Variants in CCNJ observed in about 807,000 individuals in gnomAD.
The protein encoded by CCNJ is cyclin-J.
CCNJ carries 12 observed loss-of-function variants against 41.4 expected under a neutral mutation model. The observed-to-expected ratio is 0.29, with a 90% CI of 0.19 to 0.47. The LOEUF (loss-of-function observed/expected upper bound fraction) is 0.47. Among genes scored for constraint, CCNJ ranks in the 20% least tolerant of loss-of-function variants. CCNJ has a pLI of 1.00. For missense variants in CCNJ, 340 were observed against 464.6 expected (o/e 0.73, Z 2.47); for synonymous variants, 161 against 173.4 (o/e 0.93, Z 0.56).
At chr10:96,057,613 G>A (rs2080728511) in intron 5 of CCNJ, among the ~76,000 whole-genome samples, 1 of 152,066 alleles carries the variant, frequency 6.6e-6, no homozygotes, top group Non-Finnish European at 1.5e-5. Flanking sequence ...TCCCAAACTG[G>A]AAATAATCCT....
At chr10:96,053,511 C>G (rs888987829) in intron 3 of CCNJ, among the ~76,000 whole-genome samples, 1 of 152,130 alleles carries the variant, frequency 6.6e-6, no homozygotes, top group Non-Finnish European at 1.5e-5. Context: ...CTAATTTGTC[C>G]AGGGAAGTTC....
chr10:96,044,409 C>T lies in CCNJ; in HGVS notation c.16C>T (p.Gln6Ter). The part of the protein sequence containing the change: MELEG[Q>*]WWRGQLAADI... ...GCCGGGTCCCATGGAGCTGGAGGGG[C>T]AGTGGTGGCGAGGACAGCTGGCCGC... Residue 6 changes from glutamine to a stop codon, truncating the protein, a stop_gained, in exon 2 of 6, where the codon CAG becomes TAG. Coordinates refer to ENST00000465148, the MANE Select transcript of CCNJ (RefSeq NM_001134375.2). LOFTEE classifies it high-confidence loss of function. 6.4e-7 allele frequency: 1 copy of T among 1,563,526 alleles called. No homozygotes were observed. The highest frequency in any genetic ancestry group is 8.7e-7 in the Non-Finnish European group (1 of 1,150,458).
At chr10:96,050,105 CACTTA>C in intron 2 of CCNJ, 146 bp from the exon 3 acceptor site, 1 of 635,736 alleles carries the variant, frequency 1.6e-6, no homozygotes, top group Non-Finnish European at 2.8e-6. Context: ...ATTATCCCTC[CACTTA>C]ACTTTTTCAT....
Position 96,055,838 on chromosome 10 carries a change from CAGA to C in CCNJ, c.281-857_281-855del, listed in dbSNP as rs1033008847. Among the ~76,000 whole-genome samples the C allele has an allele frequency of 2.1e-4, 32 of 152,194 alleles. 1 individual carries two copies. The highest frequency in any genetic ancestry group is 1.8e-3 in the Admixed American group (27 of 15,284). The stretch of plus-strand genomic sequence containing the variant: ...ACAGACTAGATTTTTGTTTTGAATT[CAGA>C]AGAAGTGGGGGATGGGGCTTTTTGT... On this transcript the variant is annotated intron_variant, in intron 3 of 5. Coordinates refer to ENST00000465148, the MANE Select transcript of CCNJ (RefSeq NM_001134375.2).
rs563157632 is a variant in CCNJ at position 96,056,514 on chromosome 10, A to G, written c.281-187A>G. Among the ~76,000 whole-genome samples, 332 of 152,152 alleles carry G rather than the reference A, an allele frequency of 2.2e-3. 1 individual carries two copies. The highest frequency in any genetic ancestry group is 7.8e-3 in the African/African-American group (324 of 41,504). On this transcript the variant is annotated intron_variant, in intron 3 of 5. Coordinates refer to ENST00000465148, the MANE Select transcript of CCNJ (RefSeq NM_001134375.2). ...AGCATTTTTTTTTAGGGGATTGGGGAAAGGTTGGGGATGGTGGCACTGGGA... is the reference window on the plus strand; with the variant it reads ...AGCATTTTTTTTTAGGGGATTGGGGGAAGGTTGGGGATGGTGGCACTGGGA...
rs117107452 is a variant in CCNJ, at chr10:96,053,468, C to T, written c.280+3002C>T. Among the ~76,000 whole-genome samples the T allele has an allele frequency of 5.3e-3, 810 of 152,262 alleles. 6 individuals carry two copies. Among genetic ancestry groups the T allele is most frequent in the South Asian group, 0.013 (65 of 4,828 alleles). On this transcript the variant is annotated intron_variant, in intron 3 of 5. Coordinates refer to ENST00000465148, the MANE Select transcript of CCNJ (RefSeq NM_001134375.2). The stretch of plus-strand genomic sequence containing the variant: ...TGTTACCTTTAGCCTGCCTCCTTTA[C>T]CCTAAAGGTTTTGACCTATTTCAAA...
chr10:96,057,112 C>T lies in CCNJ; in HGVS notation c.605C>T (p.Pro202Leu). Residue 202 changes from proline to leucine, a missense_variant, in exon 5 of 6, where the codon CCT (proline) becomes CTT (leucine). Coordinates refer to ENST00000465148, the MANE Select transcript of CCNJ (RefSeq NM_001134375.2). Reference sequence around the variant, plus strand: ...GATTATGCCTTTCTAAATTATGCACCTTCTTTAGTAGCTGCTGCATGTGTG... The same window carrying T: ...GATTATGCCTTTCTAAATTATGCACTTTCTTTAGTAGCTGCTGCATGTGTG... ...LQDYAFLNYA[P>L]SLVAAACVAS... The T allele has an allele frequency of 1.2e-6, 2 of 1,614,108 alleles. No individual in the cohort carries two copies. The highest frequency in any genetic ancestry group is 1.7e-6 in the Non-Finnish European group (2 of 1,180,002).
rs2080768683 is a variant in CCNJ, at chr10:96,059,217, T to TGTA, written c.*977_*979dup. 1 of 152,678 alleles carries TGTA rather than the reference T, an allele frequency of 6.5e-6. No individual in the cohort carries two copies. The highest frequency in any genetic ancestry group is 1.5e-5 in the Non-Finnish European group (1 of 68,050). 9.5% of individuals were successfully genotyped at this position (152,678 alleles called of 1,614,324 possible). On this transcript the variant is annotated 3_prime_UTR_variant, in exon 6 of 6. Coordinates refer to ENST00000465148, the MANE Select transcript of CCNJ (RefSeq NM_001134375.2). The stretch of plus-strand genomic sequence containing the variant: ...AAGTTATTTCAAGGGATGGCATAAC[T>TGTA]GTAAGAGGTCAGTGCTAGAATAAAG...
chr10:96,045,219 C>T (rs572580581), intron 2 of CCNJ, among the ~76,000 whole-genome samples: 44 of 152,316 alleles, frequency 2.9e-4, no homozygotes, highest in African/African-American at 1.1e-3. Context: ...CTGCATGTGG[C>T]AAGGCAGATT....
intron 1 of CCNJ, among the ~76,000 whole-genome samples, chr10:96,044,035 GC>G (rs2080288673): frequency 1.3e-5 from 2 of 152,218 alleles, no homozygotes; most frequent in South Asian, 4.1e-4. Flanking sequence ...GACGCAGGGA[GC>G]CCCAGCCGGG....
Position 96,056,747 on chromosome 10 carries a change from C to T in CCNJ, c.327C>T (p.Leu109=), listed in dbSNP as rs368212218. ...ACAGTGTGCCTAAGCTGGAGCAGCT[C>T]AACAGCCTGGGTTGTATGACTAATA... is the stretch of plus-strand genomic sequence containing the variant. The part of the protein sequence containing the change: ...KEDSVPKLEQ[L]NSLGCMTNMN... Residue 109 remains leucine, a synonymous_variant, in exon 4 of 6, where the codon CTC becomes CTT. Transcript: ENST00000465148. 3.1e-6 allele frequency: 5 copies of T among 1,612,982 alleles called. No individual in the cohort carries two copies. Among genetic ancestry groups the T allele is most frequent in the Non-Finnish European group, 4.2e-6 (5 of 1,179,486 alleles).
At chr10:96,055,629 T>C (rs946323444) in intron 3 of CCNJ, among the ~76,000 whole-genome samples, 2 of 152,248 alleles carry the variant, frequency 1.3e-5, no homozygotes. Flanking sequence ...ATTCTGGGGC[T>C]GGAAAGAGAA....
Position 96,054,237 on chromosome 10 carries a change from G to C in CCNJ, c.281-2464G>C, listed in dbSNP as rs141054461. On this transcript the variant is annotated intron_variant, in intron 3 of 5. Transcript: ENST00000465148. Reference sequence around the variant, plus strand: ...TTATCAATATAATCACATGGCTTCTGTTATTTCCTTTCAATTGAAGAAACT... The same window carrying C: ...TTATCAATATAATCACATGGCTTCTCTTATTTCCTTTCAATTGAAGAAACT... Among the ~76,000 whole-genome samples, 312 of 152,198 alleles carry C rather than the reference G, an allele frequency of 2.0e-3. 1 individual carries two copies. Among genetic ancestry groups the C allele is most frequent in the Admixed American group, 7.8e-3 (119 of 15,292 alleles).
At chr10:96,057,732 G>T (rs914405601) in intron 5 of CCNJ, 98 bp from the exon 6 acceptor site, 2 of 1,048,560 alleles carry the variant, frequency 1.9e-6, no homozygotes, top group Non-Finnish European at 2.8e-6. Context: ...GGGTAGTGGT[G>T]GTGGAAGAAG....
chr10:96,055,600 G>T (rs2080660782), intron 3 of CCNJ, among the ~76,000 whole-genome samples: 1 of 152,194 alleles, frequency 6.6e-6, no homozygotes, highest in South Asian at 2.1e-4. Context: ...GTGTAAGATG[G>T]TACATAATCT....
At chr10:96,056,058 C>T (rs1407401519) in intron 3 of CCNJ, among the ~76,000 whole-genome samples, 1 of 152,170 alleles carries the variant, frequency 6.6e-6, no homozygotes, top group East Asian at 1.9e-4. Context: ...GCCTGTAATC[C>T]CAACACTTTG....
intron 3 of CCNJ, among the ~76,000 whole-genome samples, chr10:96,054,870 C>A (rs1366452936): frequency 6.6e-6 from 1 of 152,086 alleles, no homozygotes; most frequent in Non-Finnish European, 1.5e-5. Context: ...TAAATAAACT[C>A]ATTAATTTCT....
chr10:96,055,906 C>T (rs1028690958), intron 3 of CCNJ, among the ~76,000 whole-genome samples: 2 of 152,176 alleles, frequency 1.3e-5, no homozygotes, highest in African/African-American at 4.8e-5. Flanking sequence ...CCCAGTTTTT[C>T]CCTCCAGTCT....
chr10:96,056,491 C>G (rs1428312405), intron 3 of CCNJ, among the ~76,000 whole-genome samples: 1 of 151,770 alleles, frequency 6.6e-6, no homozygotes, highest in South Asian at 2.1e-4. Context: ...GTATTTCAAG[C>G]ATTTTTTTTT....
Sources: gnomAD v4.1 joint callset for allele counts (sites outside exome capture counted in the v4.1 genomes callset) on GRCh38, gnomAD v4.1.1 for gene constraint, MANE v1.5 for transcripts, NCBI Gene and HGNC (gene_info 2026-07-23, HGNC 2026-07-21) for gene names.